CCSER1: variants seen among roughly 807,000 people sequenced by gnomAD.
CCSER1 encodes serine-rich coiled-coil domain-containing protein 1.
In CCSER1, 41 loss-of-function variants were observed where a neutral mutation model predicts 82.0. The observed-to-expected ratio is 0.50, with a 90% CI of 0.39 to 0.65. The LOEUF (loss-of-function observed/expected upper bound fraction) is 0.65. CCSER1 is among the 30% of genes least tolerant of loss of function. The pLI is 0.00. For synonymous variants in CCSER1, 414 were observed against 383.9 expected, an observed-to-expected ratio of 1.08 and a Z score of -0.92; for missense variants, 1,119 against 1,064.2, an observed-to-expected ratio of 1.05 and a Z score of -0.72.
intron 10 of CCSER1, among the ~76,000 whole-genome samples, chr4:91,248,179 A>G (rs1739961576): frequency 6.6e-6 from 1 of 152,216 alleles, no homozygotes; most frequent in Non-Finnish European, 1.5e-5. Flanking sequence ...AGTATAAGAT[A>G]AATACCCACA....
intron 4 of CCSER1, among the ~76,000 whole-genome samples, chr4:90,447,938 T>C (rs553983221): frequency 9.9e-4 from 151 of 152,286 alleles, no homozygotes; most frequent in African/African-American, 3.5e-3. Flanking sequence ...TCAGGGTTTT[T>C]TATTGTTTCC....
intron 1 of CCSER1, among the ~76,000 whole-genome samples, chr4:90,209,494 G>A (rs1157927366): frequency 1.3e-5 from 2 of 152,044 alleles, no homozygotes; most frequent in Non-Finnish European, 2.9e-5. Context: ...GTCTGGCCAT[G>A]CCCCTTTTGA....
At position 90,309,604 on chromosome 4, in the gene CCSER1, C is replaced by T; in HGVS notation, c.1320C>T (p.Ala440=). The part of the protein sequence containing the change: ...KTSHGYEANP[A]KVLASSLSPF... ...CACATGGATATGAAGCAAATCCTGC[C>T]AAAGGTATGCTGATTTTTTTTGTAT... The change falls in exon 2 of 11, where the codon GCC becomes GCT. Residue 440 remains alanine (A), a synonymous_variant. Coordinates refer to ENST00000509176, the MANE Select transcript of CCSER1 (RefSeq NM_001145065.2). 1 of 1,559,734 alleles carries T rather than the reference C, an allele frequency of 6.4e-7. No homozygotes were observed. Among genetic ancestry groups the T allele is most frequent in the Non-Finnish European group, 8.6e-7 (1 of 1,156,608 alleles).
Position 90,551,706 on chromosome 4 carries a change from C to CTCTCTCTGTCTA in CCSER1, c.1725-76318_1725-76317insCTCTCTGTCTAT. Among the ~76,000 whole-genome samples the CTCTCTCTGTCTA allele has an allele frequency of 3.8e-5, 4 of 104,224 alleles. No homozygotes were observed. The Admixed American group carries it at 4.3e-4, about 11-fold the overall frequency. 68.4% of individuals were successfully genotyped at this position (104,224 alleles called of 152,430 possible). A position where few individuals can be genotyped will look rare whatever the true frequency, so the allele number is the denominator to read the frequency against. On this transcript the variant is annotated intron_variant, in intron 5 of 10. Transcript: ENST00000509176. ...TCTCTCTCTCTCTCTCTCTCTCTCT[C>CTCTCTCTGTCTA]TATATATATATATATATATATGTAA...
chr4:90,743,233 C>T (rs1746845253), intron 7 of CCSER1, among the ~76,000 whole-genome samples: 2 of 152,068 alleles, frequency 1.3e-5, no homozygotes, highest in Non-Finnish European at 2.9e-5. Flanking sequence ...ACTTGTGTCC[C>T]TTTGGTTAGT....
intron 4 of CCSER1, among the ~76,000 whole-genome samples, chr4:90,466,014 A>T (rs1361844755): frequency 6.6e-6 from 1 of 152,190 alleles, no homozygotes; most frequent in African/African-American, 2.4e-5. Flanking sequence ...ACTGCACTAC[A>T]CACTTAAAAG....
chr4:90,237,395 T>C (rs1745999478), intron 1 of CCSER1, among the ~76,000 whole-genome samples: 1 of 152,178 alleles, frequency 6.6e-6, no homozygotes, highest in African/African-American at 2.4e-5. Context: ...TTTTCCTAGA[T>C]AAATGTTTTT....
chr4:91,070,801 A>G (rs1721350748), intron 9 of CCSER1, among the ~76,000 whole-genome samples: 1 of 152,190 alleles, frequency 6.6e-6, no homozygotes, highest in African/African-American at 2.4e-5. Context: ...AAAGGTTGGG[A>G]ACCGCCGCTC....
intron 8 of CCSER1, among the ~76,000 whole-genome samples, chr4:90,852,786 T>C (rs1006322312): frequency 6.6e-6 from 1 of 152,220 alleles, no homozygotes; most frequent in Non-Finnish European, 1.5e-5. Context: ...TAATTAATTG[T>C]ATCTTTGCTT....
chr4:91,058,333 C>T (rs1743637122), intron 9 of CCSER1, among the ~76,000 whole-genome samples: 1 of 152,042 alleles, frequency 6.6e-6, no homozygotes. Context: ...AGATAATGTT[C>T]TTTACAAGGA....
intron 8 of CCSER1, among the ~76,000 whole-genome samples, chr4:90,859,405 CTCTT>C (rs1350662510): frequency 1.3e-5 from 2 of 151,786 alleles, no homozygotes; most frequent in African/African-American, 4.8e-5. Context: ...AGTAATTGCT[CTCTT>C]TATGGGAAAA....
chr4:90,734,089 CTATTTTTATTTT>C (rs774198568), intron 7 of CCSER1, among the ~76,000 whole-genome samples: 14 of 151,214 alleles, frequency 9.3e-5, no homozygotes, highest in Non-Finnish European at 1.3e-4. Flanking sequence ...CTATAGATTG[CTATTTTTATTTT>C]TATTTTTATT....
chr4:91,426,240 G>A (rs1753962220), intron 10 of CCSER1, among the ~76,000 whole-genome samples: 1 of 152,190 alleles, frequency 6.6e-6, no homozygotes, highest in African/African-American at 2.4e-5. Context: ...TGGCTGCATA[G>A]TATTCCATGG....
intron 6 of CCSER1, among the ~76,000 whole-genome samples, chr4:90,721,799 A>AGTCTTATCC (rs1742728874): frequency 6.6e-6 from 1 of 151,584 alleles, no homozygotes; most frequent in Non-Finnish European, 1.5e-5. Context: ...CAATAGGATA[A>AGTCTTATCC]ACATGAAAAT....
At chr4:91,160,517 G>T (rs1731277619) in intron 10 of CCSER1, among the ~76,000 whole-genome samples, 1 of 152,188 alleles carries the variant, frequency 6.6e-6, no homozygotes, top group South Asian at 2.1e-4. Flanking sequence ...CACCAACAGT[G>T]CAAAAGTGTT....
intron 5 of CCSER1, among the ~76,000 whole-genome samples, chr4:90,494,908 C>T (rs1476157247): frequency 6.6e-6 from 1 of 151,822 alleles, no homozygotes; most frequent in African/African-American, 2.4e-5. Context: ...CCTCGTACAG[C>T]TTTGTTGATG....
chr4:91,281,443 A>G (rs1376150589), intron 10 of CCSER1, among the ~76,000 whole-genome samples: 1 of 152,196 alleles, frequency 6.6e-6, no homozygotes, highest in Non-Finnish European at 1.5e-5. Flanking sequence ...AAACACAAAT[A>G]CAAGGCAGCC....
intron 10 of CCSER1, among the ~76,000 whole-genome samples, chr4:91,579,997 G>A (rs1480086510): frequency 6.6e-6 from 1 of 151,810 alleles, no homozygotes; most frequent in African/African-American, 2.4e-5. Flanking sequence ...AGGGATAAAT[G>A]TAATAACTTT....
chr4:90,269,876 T>C (rs1273711155), intron 1 of CCSER1, among the ~76,000 whole-genome samples: 1 of 151,986 alleles, frequency 6.6e-6, no homozygotes, highest in Non-Finnish European at 1.5e-5. Flanking sequence ...AAAGGATCAT[T>C]AGAGGTTACT....
Sources: allele counts gnomAD v4.1 joint callset (sites outside exome capture counted in the v4.1 genomes callset), GRCh38; gene constraint gnomAD v4.1.1; transcripts MANE v1.5; gene names NCBI Gene and HGNC (gene_info 2026-07-23, HGNC 2026-07-21).